OSBPL9: variants seen among roughly 807,000 people sequenced by gnomAD.
OSBPL9 encodes the protein oxysterol-binding protein-related protein 9.
Under a neutral mutation model 106.6 loss-of-function variants are expected in OSBPL9, and 40 were observed. That is an observed-to-expected ratio of 0.38 (90% CI 0.29 to 0.49). The LOEUF (loss-of-function observed/expected upper bound fraction) is 0.49. OSBPL9 is among the 20% of genes least tolerant of loss of function. OSBPL9 has a pLI of 0.97. For missense variants in OSBPL9, 609 were observed against 887.2 expected (o/e 0.69, Z 3.98); for synonymous variants, 269 against 295.4 (o/e 0.91, Z 0.92).
intron 16 of OSBPL9, 71 bp from the exon 17 acceptor site, chr1:51,782,488 A>G (rs1676621415): frequency 1.5e-6 from 2 of 1,303,962 alleles, no homozygotes; most frequent in African/African-American, 3.1e-5. Flanking sequence ...CAGAGACCCC[A>G]ATTACCAGAT....
At chr1:51,597,118 A>G (rs1268019752) in intron 1 of OSBPL9, among the ~76,000 whole-genome samples, 1 of 152,164 alleles carries the variant, frequency 6.6e-6, no homozygotes, top group Non-Finnish European at 1.5e-5. Context: ...AGTTTGTCAC[A>G]TTTGAGCATC....
chr1:51,638,766 C>T (rs981494493), intron 1 of OSBPL9, among the ~76,000 whole-genome samples: 2 of 151,704 alleles, frequency 1.3e-5, no homozygotes, highest in Non-Finnish European at 2.9e-5. Flanking sequence ...GCTATGATTG[C>T]ACCACTGCAC....
At chr1:51,695,434 C>T (rs1655821628) in intron 3 of OSBPL9, among the ~76,000 whole-genome samples, 1 of 152,198 alleles carries the variant, frequency 6.6e-6, no homozygotes, top group Admixed American at 6.5e-5. Flanking sequence ...AGTGTTATTA[C>T]ATACCTTATT....
chr1:51,723,069 C>T (rs1391436514), intron 4 of OSBPL9, among the ~76,000 whole-genome samples: 1 of 152,228 alleles, frequency 6.6e-6, no homozygotes. Flanking sequence ...TACCCGCTTC[C>T]CCTACGCATG....
At position 51,760,699 on chromosome 1, in the gene OSBPL9, A is replaced by C; in HGVS notation, c.592A>C (p.Asn198His). Residue 198 changes from asparagine to histidine, a missense_variant, in exon 10 of 24, where the codon AAT becomes CAT. Physicochemically the swap from Asn to His is moderately conservative, Grantham distance 68. Transcript: ENST00000428468. ...KHADGMISTI[N>H]PVDAIYQPSP... is the part of the protein sequence containing the mutation. ...TGTTTCTTTATTTTAGAGTACTATT[A>C]ATCCCGTAGATGCAATATATCAACC... 1 of 1,613,782 alleles carries C rather than the reference A, an allele frequency of 6.2e-7. No homozygotes were observed. The highest frequency in any genetic ancestry group is 1.1e-5 in the South Asian group (1 of 91,076).
intron 3 of OSBPL9, among the ~76,000 whole-genome samples, chr1:51,703,321 G>C (rs991710092): frequency 1.3e-5 from 2 of 152,102 alleles, no homozygotes; most frequent in Non-Finnish European, 2.9e-5. Flanking sequence ...ATTTCATTGA[G>C]CAGTGGTTTG....
intron 3 of OSBPL9, among the ~76,000 whole-genome samples, chr1:51,693,445 C>A (rs1315334288): frequency 1.3e-5 from 2 of 151,206 alleles, no homozygotes; most frequent in Non-Finnish European, 2.9e-5. Context: ...TATCCCAAAC[C>A]TCAGGGATAG....
chr1:51,564,131 T>C, the OSBPL9 span, among the ~76,000 whole-genome samples: 2 of 140,414 alleles, frequency 1.4e-5, no homozygotes, highest in African/African-American at 5.3e-5. Flanking sequence ...GGGTCCAGAG[T>C]GCTGTCAGGC....
intron 4 of OSBPL9, among the ~76,000 whole-genome samples, chr1:51,736,779 A>T (rs1257292102): frequency 5.3e-5 from 8 of 152,264 alleles, no homozygotes; most frequent in Non-Finnish European, 1.0e-4. Context: ...GAATGGAAGA[A>T]TATTTTTCTT....
At chr1:51,604,543 G>A (rs1041983317) in intron 2 of OSBPL9, among the ~76,000 whole-genome samples, 10 of 151,636 alleles carry the variant, frequency 6.6e-5, no homozygotes, top group Admixed American at 4.6e-4. Context: ...GTGACAGAGT[G>A]AGACTCTGTC....
At chr1:51,784,680 T>C in intron 20 of OSBPL9, 98 bp downstream of exon 20, 1 of 1,381,908 alleles carries the variant, frequency 7.2e-7, no homozygotes, top group Non-Finnish European at 9.9e-7. Context: ...GAAAGAATGG[T>C]TCTGTCTTTG....
the OSBPL9 span, among the ~76,000 whole-genome samples, chr1:51,533,827 G>GTTTT: frequency 3.6e-5 from 5 of 139,838 alleles, no homozygotes; most frequent in Non-Finnish European, 6.3e-5. Flanking sequence ...TTTTTCTTTT[G>GTTTT]TTTTTTCTTT....
intron 1 of OSBPL9, among the ~76,000 whole-genome samples, chr1:51,596,560 CAAA>C (rs1181151999): frequency 2.8e-4 from 8 of 28,760 alleles, no homozygotes; most frequent in Admixed American, 3.8e-4. Flanking sequence ...ACTCTTGTCG[CAAA>C]AAAAAAAAAA....
In OSBPL9 at chr1:51,750,296, C is replaced by T. The variant is rs938675756; in HGVS notation, c.543+101C>T. The T allele has an allele frequency of 6.9e-5, 49 of 715,158 alleles. 1 individual carries two copies. Among genetic ancestry groups the T allele is most frequent in the South Asian group, 5.1e-4 (28 of 54,896 alleles). The allele number at this position is 715,158 out of a possible 1,614,324, so 44.3% of individuals were successfully genotyped here. ...AAAAACTCAGATCTGAAACATAGTACCTTTCTACATTAAACTGTATTGTGA... is the reference window on the plus strand; with the variant it reads ...AAAAACTCAGATCTGAAACATAGTATCTTTCTACATTAAACTGTATTGTGA... On this transcript the variant is annotated intron_variant, in intron 8 of 23. Coordinates refer to ENST00000428468, the MANE Select transcript of OSBPL9 (RefSeq NM_024586.6).
intron 1 of OSBPL9, among the ~76,000 whole-genome samples, chr1:51,632,817 T>G (rs1436996588): frequency 6.6e-6 from 1 of 152,148 alleles, no homozygotes; most frequent in Non-Finnish European, 1.5e-5. Flanking sequence ...GGAGTAAGTT[T>G]AAATTTCTGA....
intron 3 of OSBPL9, among the ~76,000 whole-genome samples, chr1:51,674,252 A>C (rs1035929699): frequency 6.6e-6 from 1 of 151,644 alleles, no homozygotes; most frequent in Non-Finnish European, 1.5e-5. Flanking sequence ...TTTAATAAAA[A>C]ATTTTTATTG....
chr1:51,563,191 C>T, the OSBPL9 span, among the ~76,000 whole-genome samples: 1 of 152,164 alleles, frequency 6.6e-6, no homozygotes, highest in East Asian at 1.9e-4. Context: ...GCCTGGGTGA[C>T]AGAGCAACGC....
chr1:51,527,320 AATG>A, the OSBPL9 span, among the ~76,000 whole-genome samples: 3 of 145,634 alleles, frequency 2.1e-5, no homozygotes, highest in Admixed American at 1.3e-4. Flanking sequence ...GGGACTATCC[AATG>A]ATGATGGTGA....
At chr1:51,736,078 G>A (rs181533428) in intron 4 of OSBPL9, among the ~76,000 whole-genome samples, 106 of 152,198 alleles carry the variant, frequency 7.0e-4, no homozygotes, top group Admixed American at 3.2e-3. Context: ...TGGGCACATT[G>A]CAGAATTCCT....
Sources: gnomAD v4.1 joint callset for allele counts (sites outside exome capture counted in the v4.1 genomes callset) on GRCh38, gnomAD v4.1.1 for gene constraint, MANE v1.5 for transcripts, NCBI Gene and HGNC (gene_info 2026-07-23, HGNC 2026-07-21) for gene names.